The following DENND5B variants were observed in gnomAD, a reference collection of about 807,000 sequenced individuals.
DENND5B encodes DENN domain-containing protein 5B.
DENND5B carries 34 observed loss-of-function variants against 140.6 expected under a neutral mutation model. The observed-to-expected ratio is 0.24, with a 90% CI of 0.18 to 0.32. The LOEUF (loss-of-function observed/expected upper bound fraction) is 0.32, where lower values mean the gene tolerates loss of function less well. Ranked by LOEUF, DENND5B falls within the 10% of genes least tolerant of loss-of-function variation. The probability of loss-of-function intolerance (pLI) is 1.00; values close to 1 mark genes in which losing one functional copy is unlikely to be tolerated. For synonymous variants in DENND5B, 551 were observed against 562.1 expected, an observed-to-expected ratio of 0.98 and a Z score of 0.28; for missense variants, 1,142 against 1,560.2, an observed-to-expected ratio of 0.73 and a Z score of 4.52.
chr12:31,446,326 T>G (rs1312521791), intron 6 of DENND5B, among the ~76,000 whole-genome samples: 1 of 151,996 alleles, frequency 6.6e-6, no homozygotes, highest in Non-Finnish European at 1.5e-5. Context: ...TTTTTGTATT[T>G]TTAGTAGAGA....
chr12:31,399,477 C>G (rs547775718), intron 16 of DENND5B, among the ~76,000 whole-genome samples, 177 bp downstream of exon 16: 2 of 151,942 alleles, frequency 1.3e-5, no homozygotes, highest in South Asian at 4.2e-4. Context: ...TGGGGTTTCA[C>G]CATGTTGGTC....
At chr12:31,576,209 T>A (rs536530834) in intron 1 of DENND5B, among the ~76,000 whole-genome samples, 33 of 151,120 alleles carry the variant, frequency 2.2e-4, no homozygotes, top group Admixed American at 9.9e-4. Context: ...CCCAGCATTT[T>A]AAGAGGCCAA....
chr12:31,447,563 C>T lies in DENND5B; in HGVS notation c.1836G>A (p.Gln612=), dbSNP rs1944326363. The T allele has an allele frequency of 1.9e-6, 3 of 1,612,170 alleles. No homozygotes were observed. The highest frequency in any genetic ancestry group is 2.5e-6 in the Non-Finnish European group (3 of 1,178,952). The part of the protein sequence containing the change: ...RAPTLRTSIY[Q]KCSTLKEAAQ... ...CTGCTTCTTTTAAAGTGCTGCATTT[C>T]TGATATATAGATGTCCGCAAGGTGG... is the stretch of plus-strand genomic sequence containing the variant. The change falls in exon 6 of 21, where the codon CAG becomes CAA. Residue 612 remains glutamine, a synonymous_variant. Transcript: ENST00000389082.
intron 4 of DENND5B, among the ~76,000 whole-genome samples, chr12:31,455,488 T>C (rs1042709814): frequency 3.3e-5 from 5 of 152,108 alleles, no homozygotes; most frequent in Non-Finnish European, 7.4e-5. Context: ...TGAAAATGTA[T>C]TGAAGAAAAC....
In DENND5B at chr12:31,462,534, C is replaced by T. The variant is rs147002747; in HGVS notation, c.905-2153G>A. ...TGTGGGTTTCCTAAGGACAGAGTGGCATCCACTTTCTCTGATTTTACCCAT... is the reference window on the plus strand; with the variant it reads ...TGTGGGTTTCCTAAGGACAGAGTGGTATCCACTTTCTCTGATTTTACCCAT... On this transcript the variant is annotated intron_variant, in intron 3 of 20. Transcript: ENST00000389082. 3.4e-4 allele frequency among the ~76,000 whole-genome samples: 52 copies of T among 152,198 alleles called. 1 individual carries two copies. Among genetic ancestry groups the T allele is most frequent in the Non-Finnish European group, 6.2e-4 (42 of 68,034 alleles).
rs1838423004 is a variant in DENND5B at position 31,551,997 on chromosome 12, A to G, written c.127+38709T>C. 3.3e-5 allele frequency among the ~76,000 whole-genome samples: 5 copies of G among 152,324 alleles called. No individual in the cohort carries two copies. The South Asian group carries it at 8.3e-4, about 25-fold the overall frequency. The stretch of plus-strand genomic sequence containing the variant: ...GATGGGGTTTTCTAGATAGACAATC[A>G]TGTTGTCTGCAAACAGGGACAATTT... On this transcript the variant is annotated intron_variant, in intron 1 of 20. Transcript: ENST00000389082.
chr12:31,579,042 A>AT (rs1950118430), intron 1 of DENND5B, among the ~76,000 whole-genome samples: 1 of 152,250 alleles, frequency 6.6e-6, no homozygotes, highest in Admixed American at 6.5e-5. Flanking sequence ...ATGCTAGCAC[A>AT]TATCTTTGAA....
chr12:31,522,249 T>C (rs762587702), intron 1 of DENND5B, among the ~76,000 whole-genome samples: 3 of 152,144 alleles, frequency 2.0e-5, no homozygotes, highest in African/African-American at 4.8e-5. Context: ...CATTGTGCAG[T>C]AGAAAAGGCT....
intron 6 of DENND5B, among the ~76,000 whole-genome samples, chr12:31,445,610 T>C (rs1235712464): frequency 1.3e-5 from 2 of 151,312 alleles, no homozygotes; most frequent in Non-Finnish European, 2.9e-5. Context: ...GAGGCTGTGG[T>C]GGGAGGATCA....
In DENND5B at chr12:31,559,154, A is replaced by AG. The variant is rs146282203; in HGVS notation, c.127+31551_127+31552insC. ...AAATTCTCATGGGAGAGTAGGGAAA[A>AG]ACAGTCAGTCTTCGGTCTATTTTAG... On this transcript the variant is annotated intron_variant, in intron 1 of 20. Coordinates refer to ENST00000389082, the MANE Select transcript of DENND5B (RefSeq NM_144973.4). 2.5e-3 allele frequency among the ~76,000 whole-genome samples: 378 copies of AG among 152,238 alleles called. 11 individuals carry two copies. The East Asian group carries it at 0.056, about 22-fold the overall frequency.
chr12:31,564,095 G>T (rs1282184468), intron 1 of DENND5B, among the ~76,000 whole-genome samples: 1 of 152,130 alleles, frequency 6.6e-6, no homozygotes, highest in Non-Finnish European at 1.5e-5. Flanking sequence ...TCCAGCCTGG[G>T]CAACAGAGCA....
chr12:31,582,137 A>G (rs961938972), intron 1 of DENND5B, among the ~76,000 whole-genome samples: 12 of 152,246 alleles, frequency 7.9e-5, no homozygotes, highest in Non-Finnish European at 2.9e-5. Flanking sequence ...AGGGCTGACT[A>G]TACATGTGGT....
chr12:31,536,643 A>T (rs969992703), intron 1 of DENND5B, among the ~76,000 whole-genome samples: 1 of 151,198 alleles, frequency 6.6e-6, no homozygotes, highest in African/African-American at 2.5e-5. Flanking sequence ...AAGAGATAGG[A>T]ATAGAAGATG....
intron 4 of DENND5B, among the ~76,000 whole-genome samples, chr12:31,453,909 A>G (rs1944654235): frequency 6.6e-6 from 1 of 152,128 alleles, no homozygotes; most frequent in South Asian, 2.1e-4. Context: ...TGGGAGGCTG[A>G]GGCGGGAGGA....
intron 1 of DENND5B, among the ~76,000 whole-genome samples, chr12:31,536,658 T>TA (rs35806128): frequency 1.8e-3 from 275 of 149,156 alleles, no homozygotes; most frequent in Admixed American, 2.8e-3. Flanking sequence ...AAGATGTATT[T>TA]AAAAAAAAAA....
In DENND5B at chr12:31,434,220, C is replaced by G. The variant is rs537891236; in HGVS notation, c.2013-972G>C. Among the ~76,000 whole-genome samples the G allele has an allele frequency of 3.3e-5, 5 of 152,230 alleles. No homozygotes were observed. The South Asian group carries it at 1.0e-3, about 32-fold the overall frequency. On this transcript the variant is annotated intron_variant, in intron 7 of 20. Transcript: ENST00000389082. ...ATAAAACCTGAGCTCTTTTCCAAGG[C>G]CTATAAAACTCTTAAATATAAAGAC...
intron 17 of DENND5B, among the ~76,000 whole-genome samples, chr12:31,393,953 G>A (rs960298773): frequency 6.6e-6 from 1 of 152,122 alleles, no homozygotes; most frequent in Non-Finnish European, 1.5e-5. Flanking sequence ...GCCTCCCAAA[G>A]TGCTGGGATT....
intron 1 of DENND5B, among the ~76,000 whole-genome samples, chr12:31,538,762 G>T (rs570596612): frequency 1.3e-5 from 2 of 152,000 alleles, no homozygotes; most frequent in Non-Finnish European, 2.9e-5. Flanking sequence ...TCAGTTACTC[G>T]GGAGGCTGAG....
intron 14 of DENND5B, among the ~76,000 whole-genome samples, chr12:31,403,025 A>C (rs1299621732): frequency 1.3e-5 from 2 of 152,222 alleles, no homozygotes; most frequent in African/African-American, 4.8e-5. Flanking sequence ...AACAAAATTG[A>C]ATAGAAATGA....
Sources: allele counts gnomAD v4.1 joint callset (sites outside exome capture counted in the v4.1 genomes callset), GRCh38; gene constraint gnomAD v4.1.1; transcripts MANE v1.5; gene names NCBI Gene and HGNC (gene_info 2026-07-23, HGNC 2026-07-21).